Variants in DNAJC6 observed in about 807,000 individuals in gnomAD.
DNAJC6 encodes the protein auxilin.
DNAJC6 carries 34 observed loss-of-function variants against 110.0 expected under a neutral mutation model. That is an observed-to-expected ratio of 0.31 (90% CI 0.24 to 0.41). The LOEUF is 0.41. Among genes scored for constraint, DNAJC6 ranks in the 10% least tolerant of loss-of-function variants. DNAJC6 has a pLI of 1.00. For missense variants in DNAJC6, 1,031 were observed against 1,207.8 expected (o/e 0.85, Z 2.17); for synonymous variants, 406 against 437.2 (o/e 0.93, Z 0.89).
At chr1:65,318,176 T>C (rs545099850) in intron 1 of DNAJC6, among the ~76,000 whole-genome samples, 1 of 152,290 alleles carries the variant, frequency 6.6e-6, no homozygotes, top group East Asian at 1.9e-4. Flanking sequence ...AGGCACAGTG[T>C]CTAGAAACCA....
chr1:65,340,800 C>A (rs763369967), intron 1 of DNAJC6, among the ~76,000 whole-genome samples: 40 of 152,156 alleles, frequency 2.6e-4, no homozygotes, highest in Non-Finnish European at 5.1e-4. Context: ...CACAGTGTGG[C>A]ATAGGGCTGT....
chr1:65,339,656 C>T (rs940314498), intron 1 of DNAJC6, among the ~76,000 whole-genome samples: 1 of 152,130 alleles, frequency 6.6e-6, no homozygotes, highest in Non-Finnish European at 1.5e-5. Context: ...ATCTTGCCTT[C>T]TAGGAGTTTG....
intron 16 of DNAJC6, among the ~76,000 whole-genome samples, chr1:65,406,702 C>A (rs562100653): frequency 1.3e-5 from 2 of 152,198 alleles, no homozygotes; most frequent in South Asian, 4.2e-4. Context: ...GGTGCCAACA[C>A]CTGAGGCTGG....
At position 65,352,883 on chromosome 1, in the gene DNAJC6, G is replaced by T. The variant is rs541955489; in HGVS notation, c.194-11752G>T. ...GTTTTCTAAAATTCTACCTGTATAT[G>T]GGGGGTTGTTTGGGAAGACTGATAG... is the stretch of plus-strand genomic sequence containing the variant. On this transcript the variant is annotated intron_variant, in intron 1 of 18. Coordinates refer to ENST00000371069, the MANE Select transcript of DNAJC6 (RefSeq NM_001256864.2). Among the ~76,000 whole-genome samples the T allele has an allele frequency of 1.4e-3, 216 of 152,244 alleles. 2 individuals are homozygous for T. Among genetic ancestry groups the T allele is most frequent in the African/African-American group, 4.6e-3 (190 of 41,558 alleles).
At chr1:65,340,918 T>C (rs1032252312) in intron 1 of DNAJC6, among the ~76,000 whole-genome samples, 1 of 152,060 alleles carries the variant, frequency 6.6e-6, no homozygotes, top group African/African-American at 2.4e-5. Flanking sequence ...AATCTGAAAA[T>C]TTGCATTTTT....
chr1:65,406,016 C>A lies in DNAJC6; in HGVS notation c.2374C>A (p.Pro792Thr). ...TGCCTACAACTGGCAGCAGCCACAG[C>A]CTAAGCCTCAGCCCAGCATGCCCCA... is the stretch of plus-strand genomic sequence containing the variant. ...GGAYNWQQPQ[P>T]KPQPSMPHSS... The change falls in exon 16 of 19, where the codon CCT (proline) becomes ACT (threonine). Residue 792 changes from proline (P) to threonine (T), a missense_variant. Physicochemically the swap from Pro to Thr is conservative, Grantham distance 38 (BLOSUM62 -1). Transcript: ENST00000371069. 6.2e-7 allele frequency: 1 copy of A among 1,614,180 alleles called. No homozygotes were observed. Among genetic ancestry groups the A allele is most frequent in the South Asian group, 1.1e-5 (1 of 91,082 alleles).
At chr1:65,336,677 C>G (rs1159012752) in intron 1 of DNAJC6, among the ~76,000 whole-genome samples, 1 of 152,132 alleles carries the variant, frequency 6.6e-6, no homozygotes, top group African/African-American at 2.4e-5. Flanking sequence ...AAGGGCCTAG[C>G]TGGGCATGAT....
intron 1 of DNAJC6, among the ~76,000 whole-genome samples, chr1:65,330,465 T>C (rs78805637): frequency 0.059 from 9,033 of 152,162 alleles, 319 homozygotes; most frequent in Non-Finnish European, 0.079. Flanking sequence ...ATTTCTTTTT[T>C]TTTTGTTTTG....
chr1:65,305,699 C>G (rs1030572846), upstream of DNAJC6, among the ~76,000 whole-genome samples: 1 of 152,056 alleles, frequency 6.6e-6, no homozygotes, highest in Non-Finnish European at 1.5e-5. Flanking sequence ...AATACATACA[C>G]GTGAATATTT....
chr1:65,364,640 T>C lies in DNAJC6; in HGVS notation c.199T>C (p.Ser67Pro), dbSNP rs1221846482. The change falls in exon 2 of 19, where the codon TCA becomes CCA. Residue 67 changes from serine to proline, a missense_variant. Transcript: ENST00000371069. ...TTTTTTTTTTTTTTTGGCAGGTGCC[T>C]CATCTCCAGACATGGAGCCCAGCTA... The part of the protein sequence containing the change: ...RASTMDSSGA[S>P]SPDMEPSYGG... 1 of 1,567,116 alleles carries C rather than the reference T, an allele frequency of 6.4e-7. No homozygotes were observed. The highest frequency in any genetic ancestry group is 1.4e-5 in the African/African-American group (1 of 71,226).
At chr1:65,319,689 G>A (rs2281855) in intron 1 of DNAJC6, among the ~76,000 whole-genome samples, 111,681 of 152,056 alleles carry the variant, frequency 0.73, 41,038 homozygotes, top group East Asian at 0.83. Flanking sequence ...GAAATTCTCA[G>A]GGACTTTCTT....
rs1026249620 is a variant in DNAJC6 at position 65,409,456 on chromosome 1, C to T, written c.2634+673C>T. On this transcript the variant is annotated intron_variant, in intron 17 of 18. Transcript: ENST00000371069. ...GTTTGCCTGTTCAAATGAGCAGTGG[C>T]ACTTTCTAAGAGGTGATTTTGTTAT... is the stretch of plus-strand genomic sequence containing the variant. Among the ~76,000 whole-genome samples the T allele has an allele frequency of 8.5e-5, 13 of 152,174 alleles. 1 individual carries two copies. Among genetic ancestry groups the T allele is most frequent in the African/African-American group, 2.9e-4 (12 of 41,446 alleles).
intron 1 of DNAJC6, among the ~76,000 whole-genome samples, chr1:65,320,171 A>G (rs1335989179): frequency 6.6e-6 from 1 of 152,192 alleles, no homozygotes; most frequent in African/African-American, 2.4e-5. Context: ...TGACTTGGTG[A>G]TGAGAGGTTT....
chr1:65,275,140 A>C (rs998925462), intron 1 of DNAJC6, among the ~76,000 whole-genome samples: 3 of 152,152 alleles, frequency 2.0e-5, no homozygotes, highest in South Asian at 4.1e-4. Flanking sequence ...TATTCATTTA[A>C]ATTTACCCAC....
intron 5 of DNAJC6, among the ~76,000 whole-genome samples, chr1:65,383,705 A>G (rs1017895169): frequency 6.6e-6 from 1 of 152,184 alleles, no homozygotes; most frequent in African/African-American, 2.4e-5. Context: ...GGGGCATACA[A>G]ACATTCAGTC....
intron 1 of DNAJC6, among the ~76,000 whole-genome samples, chr1:65,302,164 A>G (rs949117534): frequency 7.3e-4 from 104 of 142,388 alleles, no homozygotes; most frequent in Admixed American, 3.0e-3. Context: ...TTTATTATAT[A>G]TTATATTATA....
At chr1:65,276,695 C>G (rs74080375) in intron 1 of DNAJC6, among the ~76,000 whole-genome samples, 1 of 152,162 alleles carries the variant, frequency 6.6e-6, no homozygotes, top group African/African-American at 2.4e-5. Flanking sequence ...TTTGCTTTCT[C>G]GTTGGCTTCT....
At chr1:65,392,290 T>TTTTAGA in intron 11 of DNAJC6, 141 bp from the exon 12 acceptor site, 2 of 725,558 alleles carry the variant, frequency 2.8e-6, no homozygotes, top group Non-Finnish European at 4.4e-6. Flanking sequence ...CATCAAGTGT[T>TTTTAGA]CCACTGATTA....
chr1:65,409,938 C>T (rs1007790999), intron 17 of DNAJC6, among the ~76,000 whole-genome samples: 4 of 151,752 alleles, frequency 2.6e-5, no homozygotes, highest in African/African-American at 7.3e-5. Context: ...TGTTTCACAG[C>T]TGAAAAAAAA....
Sources: allele counts gnomAD v4.1 joint callset (sites outside exome capture counted in the v4.1 genomes callset), GRCh38; gene constraint gnomAD v4.1.1; transcripts MANE v1.5; gene names NCBI Gene and HGNC (gene_info 2026-07-23, HGNC 2026-07-21).